MAF: variants seen among roughly 807,000 people sequenced by gnomAD.
MAF encodes the protein transcription factor Maf.
Under a neutral mutation model 22.0 loss-of-function variants are expected in MAF, and 10 were observed. The observed-to-expected ratio is 0.45, with a 90% CI of 0.28 to 0.77. MAF has a LOEUF of 0.77. MAF is among the 30% of genes least tolerant of loss of function. The probability of loss-of-function intolerance (pLI) is 0.12; values close to 1 mark genes in which losing one functional copy is unlikely to be tolerated. For synonymous variants in MAF, 337 were observed against 255.8 expected, an observed-to-expected ratio of 1.32 and a Z score of -3.03; for missense variants, 544 against 548.4, an observed-to-expected ratio of 0.99 and a Z score of 0.08.
the MAF span, among the ~76,000 whole-genome samples, chr16:79,323,030 G>C: frequency 6.6e-6 from 1 of 151,350 alleles, no homozygotes; most frequent in Non-Finnish European, 1.5e-5. Flanking sequence ...AGCGCCTGTA[G>C]TCCCAGTCAC....
At chr16:79,486,512 T>C in the MAF span, among the ~76,000 whole-genome samples, 1 of 152,206 alleles carries the variant, frequency 6.6e-6, no homozygotes, top group East Asian at 1.9e-4. Flanking sequence ...CTGATTTCAG[T>C]ACCTAGGTTC....
At chr16:79,487,703 A>G in the MAF span, among the ~76,000 whole-genome samples, 9 of 152,328 alleles carry the variant, frequency 5.9e-5, no homozygotes, top group Admixed American at 5.9e-4. Context: ...AGAGGAAAAG[A>G]TGGCTCACTG....
At chr16:79,306,997 G>A in the MAF span, among the ~76,000 whole-genome samples, 1 of 152,156 alleles carries the variant, frequency 6.6e-6, no homozygotes, top group African/African-American at 2.4e-5. Flanking sequence ...CTTTTCTGTT[G>A]TTATCAGTGT....
At chr16:79,488,343 C>G in the MAF span, among the ~76,000 whole-genome samples, 77 of 152,320 alleles carry the variant, frequency 5.1e-4, no homozygotes, top group African/African-American at 1.7e-3. Flanking sequence ...TCTCCTCTCA[C>G]CCCCTTACTC....
the MAF span, among the ~76,000 whole-genome samples, chr16:79,506,411 G>C: frequency 6.6e-6 from 1 of 152,142 alleles, no homozygotes; most frequent in African/African-American, 2.4e-5. Context: ...GTGTGCCCAT[G>C]ACCAATATCT....
At chr16:79,378,222 A>C in the MAF span, among the ~76,000 whole-genome samples, 16 of 152,202 alleles carry the variant, frequency 1.1e-4, no homozygotes, top group African/African-American at 3.1e-4. Flanking sequence ...CAACTGAAAC[A>C]GCCCCCAAAT....
At chr16:79,595,652 TCAGCCCCCATACA>T in intron 1 of MAF, 1 of 1,057,814 alleles carries the variant, frequency 9.5e-7, no homozygotes, top group Non-Finnish European at 1.1e-6. Flanking sequence ...GATCTTTAAG[TCAGCCCCCATACA>T]CAGCCTATTT....
the MAF span, chr16:79,212,337 T>G: frequency 1.4e-6 from 1 of 703,770 alleles, no homozygotes; most frequent in Admixed American, 3.0e-5. Flanking sequence ...TCCCAGCCAG[T>G]GAGGATGACA....
the MAF span, among the ~76,000 whole-genome samples, chr16:79,403,992 G>A: frequency 1.3e-4 from 20 of 152,146 alleles, no homozygotes; most frequent in East Asian, 1.5e-3. Flanking sequence ...ACTCACCTCC[G>A]TCCATGCAGT....
the MAF span, among the ~76,000 whole-genome samples, chr16:79,406,909 A>G: frequency 4.6e-5 from 7 of 152,150 alleles, no homozygotes; most frequent in East Asian, 1.2e-3. Context: ...CAGAGCCAGT[A>G]GGGGCTGGGC....
the MAF span, among the ~76,000 whole-genome samples, chr16:79,545,017 C>A: frequency 1.4e-4 from 21 of 152,228 alleles, no homozygotes; most frequent in African/African-American, 4.6e-4. Flanking sequence ...GGTCAGGGAC[C>A]ACTGGCTCCC....
the MAF span, among the ~76,000 whole-genome samples, chr16:79,346,691 G>A: frequency 2.6e-5 from 4 of 152,242 alleles, 1 homozygote; most frequent in South Asian, 8.3e-4. Context: ...TCTTCTACAC[G>A]GGGTGTGAGC....
At chr16:79,437,737 T>G in the MAF span, among the ~76,000 whole-genome samples, 1 of 152,116 alleles carries the variant, frequency 6.6e-6, no homozygotes, top group African/African-American at 2.4e-5. Flanking sequence ...GGCCATGACA[T>G]TCACTAAGTT....
At chr16:79,319,425 G>C in the MAF span, among the ~76,000 whole-genome samples, 1 of 152,210 alleles carries the variant, frequency 6.6e-6, no homozygotes, top group Non-Finnish European at 1.5e-5. Context: ...TAAAGCAGAA[G>C]GTTGATAAAC....
the MAF span, among the ~76,000 whole-genome samples, chr16:79,391,064 T>C: frequency 6.6e-6 from 1 of 152,158 alleles, no homozygotes; most frequent in Non-Finnish European, 1.5e-5. Flanking sequence ...CTTGCTGTTA[T>C]CTGTGGGCTA....
chr16:79,462,348 T>C, the MAF span, among the ~76,000 whole-genome samples: 1 of 152,166 alleles, frequency 6.6e-6, no homozygotes, highest in Non-Finnish European at 1.5e-5. Flanking sequence ...AGTCCACCAA[T>C]TGGTAGTAGA....
the MAF span, among the ~76,000 whole-genome samples, chr16:79,473,277 T>C: frequency 6.6e-6 from 1 of 152,132 alleles, no homozygotes; most frequent in Non-Finnish European, 1.5e-5. Context: ...AAGGAATGAA[T>C]GGAGGAACTC....
chr16:79,345,583 C>G, the MAF span, among the ~76,000 whole-genome samples: 1 of 151,718 alleles, frequency 6.6e-6, no homozygotes, highest in Non-Finnish European at 1.5e-5. Flanking sequence ...CAAAAATTAG[C>G]CAGGCATGGT....
At chr16:79,481,604 G>T in the MAF span, among the ~76,000 whole-genome samples, 2 of 151,462 alleles carry the variant, frequency 1.3e-5, no homozygotes, top group African/African-American at 4.9e-5. Context: ...ATCAACCCAG[G>T]TATCCATTCA....
Sources: gnomAD v4.1 joint callset for allele counts (sites outside exome capture counted in the v4.1 genomes callset) on GRCh38, gnomAD v4.1.1 for gene constraint, MANE v1.5 for transcripts, NCBI Gene and HGNC (gene_info 2026-07-23, HGNC 2026-07-21) for gene names.